ZNF804B: variants seen among roughly 807,000 people sequenced by gnomAD.
The protein encoded by ZNF804B is zinc finger protein 804B, also known as zinc finger 804B.
A neutral mutation model predicts 101.4 loss-of-function variants in ZNF804B; 80 were observed. The ratio of observed to expected loss-of-function variants is 0.79; its 90% CI spans 0.66 to 0.95. The LOEUF is 0.95. ZNF804B is among the 40% of genes least tolerant of loss of function. The pLI, the probability that ZNF804B is intolerant of heterozygous loss-of-function variation, is 0.00. For missense variants in ZNF804B, 1,673 were observed against 1,561.9 expected, an observed-to-expected ratio of 1.07 and a Z score of -1.20; for synonymous variants, 622 against 558.8, an observed-to-expected ratio of 1.11 and a Z score of -1.59.
At chr7:88,899,644 C>T (rs2115949316) in intron 1 of ZNF804B, among the ~76,000 whole-genome samples, 1 of 152,194 alleles carries the variant, frequency 6.6e-6, no homozygotes, top group East Asian at 1.9e-4. Flanking sequence ...TGTTTAAAAG[C>T]CCTTTTTTAC....
chr7:88,836,367 A>G (rs2115794540), intron 1 of ZNF804B, among the ~76,000 whole-genome samples: 1 of 151,970 alleles, frequency 6.6e-6, no homozygotes, highest in South Asian at 2.1e-4. Context: ...TAGAGATCAC[A>G]TGTTTTCTGG....
At chr7:89,060,829 A>C (rs78162358) in intron 1 of ZNF804B, among the ~76,000 whole-genome samples, 118 of 152,268 alleles carry the variant, frequency 7.7e-4, no homozygotes, top group African/African-American at 2.8e-3. Context: ...TACATAAAAA[A>C]CACTGAAACT....
chr7:88,847,381 G>GT (rs1370953693), intron 1 of ZNF804B, among the ~76,000 whole-genome samples: 2 of 151,818 alleles, frequency 1.3e-5, no homozygotes, highest in African/African-American at 4.8e-5. Flanking sequence ...AAGAGGATCC[G>GT]TTTTTTAAAA....
chr7:89,233,866 C>T (rs751192937), intron 2 of ZNF804B, among the ~76,000 whole-genome samples: 25 of 152,082 alleles, frequency 1.6e-4, no homozygotes, highest in Non-Finnish European at 2.5e-4. Context: ...TCAGGTGATC[C>T]GCCTGCCTCG....
chr7:89,100,762 A>C (rs139859053), intron 1 of ZNF804B, among the ~76,000 whole-genome samples: 444 of 152,222 alleles, frequency 2.9e-3, no homozygotes, highest in Middle Eastern at 0.01. Flanking sequence ...GTTCTATTTT[A>C]ATCATTTTTC....
intron 2 of ZNF804B, among the ~76,000 whole-genome samples, chr7:89,274,655 C>T (rs1040610077): frequency 2.0e-5 from 3 of 151,722 alleles, no homozygotes; most frequent in Non-Finnish European, 2.9e-5. Flanking sequence ...ATGTAACTGA[C>T]CTGCTTACTT....
At position 89,218,289 on chromosome 7, in the gene ZNF804B, T is replaced by C. The variant is rs763316734; in HGVS notation, c.243T>C (p.His81=). 1.4e-5 allele frequency: 23 copies of C among 1,613,412 alleles called. No homozygotes were observed. Among genetic ancestry groups the C allele is most frequent in the Non-Finnish European group, 1.9e-5 (23 of 1,179,698 alleles). ...ATATTAATTCTTATGACCATGCTCA[T>C]AAGCAGGTAAGGCAAAGTGGGAAAA... The part of the protein sequence containing the change: ...DNHINSYDHA[H]KQRLKELKQR... Residue 81 remains histidine, a synonymous_variant, in exon 2 of 4, where the codon CAT becomes CAC. Transcript: ENST00000333190.
intron 1 of ZNF804B, among the ~76,000 whole-genome samples, chr7:88,850,413 G>A (rs991711869): frequency 3.9e-5 from 6 of 152,114 alleles, no homozygotes; most frequent in African/African-American, 7.2e-5. Flanking sequence ...ACAGTCTCCC[G>A]TGATTATTCA....
At position 88,888,738 on chromosome 7, in the gene ZNF804B, G is replaced by A. The variant is rs544875027; in HGVS notation, c.108+128654G>A. On this transcript the variant is annotated intron_variant, in intron 1 of 3. Transcript: ENST00000333190. ...AGCATTTTAGTATTTTAAAGAGGTA[G>A]GATTGTAATCCCTGACCCTGTTTTT... is the stretch of plus-strand genomic sequence containing the variant. Among the ~76,000 whole-genome samples, 11 of 152,148 alleles carry A rather than the reference G, an allele frequency of 7.2e-5. No homozygotes were observed. In the South Asian group the frequency reaches 2.3e-3, roughly 32 times the overall value.
intron 1 of ZNF804B, among the ~76,000 whole-genome samples, chr7:88,859,107 G>A (rs762740158): frequency 2.6e-5 from 4 of 151,886 alleles, no homozygotes; most frequent in African/African-American, 7.3e-5. Context: ...GTTTTATTGG[G>A]TTTATTTTCA....
At chr7:89,292,124 C>T (rs1050236476) in intron 2 of ZNF804B, among the ~76,000 whole-genome samples, 19 of 151,670 alleles carry the variant, frequency 1.3e-4, no homozygotes, top group African/African-American at 4.6e-4. Flanking sequence ...AACACCATAC[C>T]TGTCTGTCCT....
At chr7:89,061,099 A>G (rs1789372359) in intron 1 of ZNF804B, among the ~76,000 whole-genome samples, 1 of 152,096 alleles carries the variant, frequency 6.6e-6, no homozygotes, top group African/African-American at 2.4e-5. Context: ...GTCTGCTCGT[A>G]ACTGTTATAC....
chr7:88,904,213 T>G (rs1446988394), intron 1 of ZNF804B, among the ~76,000 whole-genome samples: 1 of 152,220 alleles, frequency 6.6e-6, no homozygotes, highest in Non-Finnish European at 1.5e-5. Flanking sequence ...CAGGGAGTCC[T>G]TTCCCCATTG....
intron 1 of ZNF804B, among the ~76,000 whole-genome samples, chr7:88,898,250 C>T (rs1375625468): frequency 6.6e-6 from 1 of 151,770 alleles, no homozygotes; most frequent in Non-Finnish European, 1.5e-5. Flanking sequence ...CCACGCCCAG[C>T]TAATTTTTTG....
At chr7:89,027,559 T>C (rs1031752996) in intron 1 of ZNF804B, among the ~76,000 whole-genome samples, 1 of 152,152 alleles carries the variant, frequency 6.6e-6, no homozygotes, top group Non-Finnish European at 1.5e-5. Flanking sequence ...CTACAGACAC[T>C]TTTATGAGAG....
chr7:89,048,196 G>T (rs1452746570), intron 1 of ZNF804B, among the ~76,000 whole-genome samples: 1 of 87,950 alleles, frequency 1.1e-5, no homozygotes, highest in Non-Finnish European at 2.3e-5. Flanking sequence ...AACATATGAT[G>T]TTCACAAACA....
intron 1 of ZNF804B, among the ~76,000 whole-genome samples, chr7:89,014,709 A>T (rs1788516273): frequency 6.6e-6 from 1 of 152,064 alleles, no homozygotes; most frequent in Admixed American, 6.5e-5. Flanking sequence ...CAAATTGTTT[A>T]TTTGCTGTTG....
chr7:89,054,136 G>A (rs1651649158), intron 1 of ZNF804B, among the ~76,000 whole-genome samples: 1 of 151,836 alleles, frequency 6.6e-6, no homozygotes, highest in African/African-American at 2.4e-5. Context: ...TCATTTGATA[G>A]GTAGAAGTTC....
Position 89,007,560 on chromosome 7 carries a change from C to A in ZNF804B, c.109-210595C>A, listed in dbSNP as rs557710885. 3.8e-3 allele frequency among the ~76,000 whole-genome samples: 43 copies of A among 11,294 alleles called. 1 individual carries two copies. The highest frequency in any genetic ancestry group is 5.7e-3 in the Non-Finnish European group (34 of 5,946). The allele number at this position is 11,294 out of a possible 152,430, so 7.4% of individuals were successfully genotyped here. On this transcript the variant is annotated intron_variant, in intron 1 of 3. Coordinates refer to ENST00000333190, the MANE Select transcript of ZNF804B (RefSeq NM_181646.5). ...ATAATTATATATAATATATATTTAT[C>A]TATTATAATTATATATAATATATAT...
Sources: allele counts gnomAD v4.1 joint callset (sites outside exome capture counted in the v4.1 genomes callset), GRCh38; gene constraint gnomAD v4.1.1; transcripts MANE v1.5; gene names NCBI Gene and HGNC (gene_info 2026-07-23, HGNC 2026-07-21).